The following EVI5 variants were observed in gnomAD, a reference collection of about 807,000 sequenced individuals.
EVI5 encodes ecotropic viral integration site 5, also known as ecotropic viral integration site 5 protein homolog.
Under a neutral mutation model 112.0 loss-of-function variants are expected in EVI5, and 73 were observed. The observed-to-expected ratio is 0.65, with a 90% CI of 0.54 to 0.79. The LOEUF is 0.79. Ranked by LOEUF, EVI5 falls within the 30% of genes least tolerant of loss-of-function variation. The pLI is 0.00. For missense variants in EVI5, 900 were observed against 968.8 expected (o/e 0.93, Z 0.94); for synonymous variants, 305 against 319.9 (o/e 0.95, Z 0.50).
rs140832860 is a variant in EVI5 at position 92,545,021 on chromosome 1, T to G, written c.2166+18621A>C. Among the ~76,000 whole-genome samples, 273 of 152,288 alleles carry G rather than the reference T, an allele frequency of 1.8e-3. 1 individual carries two copies. Among genetic ancestry groups the G allele is most frequent in the African/African-American group, 6.0e-3 (250 of 41,554 alleles). ...AAAATCTGACTATCTCGTGTCCACCTGCATCTGTAAGATATGGTTCATAAG... is the reference window on the plus strand; with the variant it reads ...AAAATCTGACTATCTCGTGTCCACCGGCATCTGTAAGATATGGTTCATAAG... On this transcript the variant is annotated intron_variant, in intron 19 of 19. Coordinates refer to ENST00000684568, the MANE Select transcript of EVI5 (RefSeq NM_001350197.2).
At chr1:92,558,299 A>G (rs1046957840) in intron 19 of EVI5, among the ~76,000 whole-genome samples, 2 of 146,602 alleles carry the variant, frequency 1.4e-5, no homozygotes, top group African/African-American at 5.1e-5. Context: ...GATGGCTACA[A>G]TTATTTTTAG....
At chr1:92,541,790 T>C (rs1406986122) in intron 19 of EVI5, among the ~76,000 whole-genome samples, 1 of 152,252 alleles carries the variant, frequency 6.6e-6, no homozygotes, top group East Asian at 1.9e-4. Context: ...TCCCAGTGCA[T>C]ATAAAAGTTA....
intron 16 of EVI5, among the ~76,000 whole-genome samples, chr1:92,616,460 C>T (rs950377991): frequency 6.6e-6 from 1 of 152,128 alleles, no homozygotes; most frequent in Non-Finnish European, 1.5e-5. Flanking sequence ...AGCGGCAAAG[C>T]GGCAATCAGA....
At chr1:92,625,443 C>T (rs1309835984) in intron 15 of EVI5, among the ~76,000 whole-genome samples, 1 of 151,894 alleles carries the variant, frequency 6.6e-6, no homozygotes, top group East Asian at 1.9e-4. Context: ...TGTCACCCTT[C>T]TGGTGTTTCA....
At chr1:92,563,066 A>G (rs1668877080) in intron 19 of EVI5, among the ~76,000 whole-genome samples, 1 of 152,186 alleles carries the variant, frequency 6.6e-6, no homozygotes, top group East Asian at 1.9e-4. Flanking sequence ...AAAACATACT[A>G]AATACTTTAA....
At chr1:92,652,043 G>A (rs900833620) in intron 13 of EVI5, among the ~76,000 whole-genome samples, 3 of 152,092 alleles carry the variant, frequency 2.0e-5, no homozygotes, top group Admixed American at 6.5e-5. Flanking sequence ...GATACTTATA[G>A]GGCAATGTTC....
intron 2 of EVI5, among the ~76,000 whole-genome samples, chr1:92,711,029 G>A (rs1034728704): frequency 1.3e-5 from 2 of 152,142 alleles, no homozygotes; most frequent in African/African-American, 4.8e-5. Context: ...AAATGACAGA[G>A]TACAGACTTC....
intron 18 of EVI5, among the ~76,000 whole-genome samples, chr1:92,575,739 T>A (rs1670980085): frequency 6.6e-6 from 1 of 151,976 alleles, no homozygotes; most frequent in South Asian, 2.1e-4. Flanking sequence ...AATTTTTGTA[T>A]TTTTAGCAGA....
chr1:92,594,132 A>C (rs931771187), intron 18 of EVI5, among the ~76,000 whole-genome samples: 32 of 152,212 alleles, frequency 2.1e-4, no homozygotes, highest in Non-Finnish European at 4.6e-4. Flanking sequence ...AAAAGAAAAA[A>C]GCTGGAGGCA....
intron 9 of EVI5, among the ~76,000 whole-genome samples, chr1:92,679,217 C>G (rs1004180717): frequency 6.6e-6 from 1 of 152,128 alleles, no homozygotes; most frequent in Admixed American, 6.5e-5. Context: ...TGAGGTGGAA[C>G]AGTTTCAACC....
intron 19 of EVI5, among the ~76,000 whole-genome samples, chr1:92,558,244 C>G (rs976039050): frequency 8.5e-5 from 13 of 152,166 alleles, no homozygotes; most frequent in Non-Finnish European, 1.5e-4. Context: ...GAACTTGCTC[C>G]TGGACACCCT....
At chr1:92,656,088 G>T (rs1222172282) in intron 13 of EVI5, among the ~76,000 whole-genome samples, 1 of 152,066 alleles carries the variant, frequency 6.6e-6, no homozygotes, top group Middle Eastern at 3.2e-3. Flanking sequence ...AACAACCACA[G>T]AATATACATT....
At chr1:92,586,744 T>A (rs543725740) in intron 18 of EVI5, among the ~76,000 whole-genome samples, 50 of 151,230 alleles carry the variant, frequency 3.3e-4, no homozygotes, top group Middle Eastern at 3.4e-3. Context: ...TTTTTTTTTT[T>A]AATTTTATTA....
intron 2 of EVI5, among the ~76,000 whole-genome samples, chr1:92,708,777 C>T (rs578250033): frequency 2.6e-5 from 4 of 152,028 alleles, no homozygotes; most frequent in African/African-American, 7.2e-5. Flanking sequence ...ATACCAGCCA[C>T]GAGAAGGAAT....
chr1:92,558,742 C>CT (rs1668046466), intron 19 of EVI5, among the ~76,000 whole-genome samples: 1 of 151,808 alleles, frequency 6.6e-6, no homozygotes, highest in African/African-American at 2.4e-5. Context: ...TGGTGCAGCC[C>CT]TGTAGTCCCA....
At chr1:92,562,031 C>G (rs76020210) in intron 19 of EVI5, among the ~76,000 whole-genome samples, 1 of 152,108 alleles carries the variant, frequency 6.6e-6, no homozygotes, top group Non-Finnish European at 1.5e-5. Flanking sequence ...TCAATCTATA[C>G]GTAACTTTCT....
chr1:92,530,087 G>T (rs1471353140), intron 19 of EVI5, among the ~76,000 whole-genome samples: 1 of 152,162 alleles, frequency 6.6e-6, no homozygotes, highest in East Asian at 1.9e-4. Flanking sequence ...ACCCTTGATG[G>T]TAGGGATTAT....
intron 1 of EVI5, among the ~76,000 whole-genome samples, chr1:92,746,761 G>C (rs912453584): frequency 6.6e-6 from 1 of 151,990 alleles, no homozygotes; most frequent in Non-Finnish European, 1.5e-5. Context: ...GCCAGGCATG[G>C]TGGCGTGTGT....
chr1:92,773,221 A>G (rs544062951), intron 1 of EVI5, among the ~76,000 whole-genome samples: 3 of 151,244 alleles, frequency 2.0e-5, no homozygotes, highest in Non-Finnish European at 4.4e-5. Context: ...AAAACTTCAT[A>G]GCTACTTTAT....
Sources: gnomAD v4.1 joint callset for allele counts (sites outside exome capture counted in the v4.1 genomes callset) on GRCh38, gnomAD v4.1.1 for gene constraint, MANE v1.5 for transcripts, NCBI Gene and HGNC (gene_info 2026-07-23, HGNC 2026-07-21) for gene names.